Variants in CATSPERE observed in about 807,000 individuals in gnomAD.
CATSPERE encodes the protein cation channel sperm-associated auxiliary subunit epsilon.
CATSPERE carries 93 observed loss-of-function variants against 114.1 expected under a neutral mutation model. The ratio of observed to expected loss-of-function variants is 0.81; its 90% CI spans 0.69 to 0.97. The LOEUF (loss-of-function observed/expected upper bound fraction) is 0.97, where lower values mean the gene tolerates loss of function less well. Ranked by LOEUF, CATSPERE falls within the 50% of genes least tolerant of loss-of-function variation. The pLI is 0.00. For synonymous variants in CATSPERE, 341 were observed against 384.1 expected (o/e 0.89, Z 1.31); for missense variants, 1,058 against 1,131.6 (o/e 0.93, Z 0.93).
At chr1:244,612,563 A>G (rs947975548) in intron 19 of CATSPERE, among the ~76,000 whole-genome samples, 2 of 152,190 alleles carry the variant, frequency 1.3e-5, no homozygotes, top group African/African-American at 4.8e-5. Context: ...CATCCACACG[A>G]TACAGAATCC....
chr1:244,584,540 A>ATATTATATTATAT (rs548449574), intron 13 of CATSPERE, among the ~76,000 whole-genome samples: 66 of 118,904 alleles, frequency 5.6e-4, no homozygotes, highest in African/African-American at 1.9e-3. Flanking sequence ...TTACTATATT[A>ATATTATATTATAT]TATATTATAT....
intron 10 of CATSPERE, among the ~76,000 whole-genome samples, chr1:244,565,814 G>A (rs143388774): frequency 0.012 from 1,813 of 152,098 alleles, 44 homozygotes; most frequent in African/African-American, 0.04. Context: ...TTTTTGAAGG[G>A]TTTTTCGTGT....
intron 10 of CATSPERE, among the ~76,000 whole-genome samples, chr1:244,563,411 T>A (rs533469399): frequency 6.6e-6 from 1 of 152,324 alleles, no homozygotes; most frequent in South Asian, 2.1e-4. Flanking sequence ...TTTCTCCACG[T>A]CCTCTCCAGC....
chr1:244,498,477 GAA>G (rs1673464330), intron 6 of CATSPERE, among the ~76,000 whole-genome samples: 1 of 152,082 alleles, frequency 6.6e-6, no homozygotes, highest in African/African-American at 2.4e-5. Context: ...AGAAAAATAA[GAA>G]AGAAAATTAG....
chr1:244,510,404 T>A (rs1281387995), intron 7 of CATSPERE, among the ~76,000 whole-genome samples: 1 of 152,208 alleles, frequency 6.6e-6, no homozygotes, highest in Non-Finnish European at 1.5e-5. Flanking sequence ...CGTCCATGTA[T>A]TTTTATAGTT....
intron 2 of CATSPERE, among the ~76,000 whole-genome samples, chr1:244,468,911 C>T (rs1248322556): frequency 1.3e-5 from 2 of 152,120 alleles, no homozygotes; most frequent in Non-Finnish European, 2.9e-5. Context: ...CAATGAGACC[C>T]TGTTTCAGAG....
intron 8 of CATSPERE, among the ~76,000 whole-genome samples, chr1:244,544,925 C>T (rs1659482124): frequency 6.6e-6 from 1 of 152,148 alleles, no homozygotes; most frequent in African/African-American, 2.4e-5. Context: ...AACAGTTTAC[C>T]TTCCATGGGC....
intron 20 of CATSPERE, among the ~76,000 whole-genome samples, chr1:244,624,850 A>C (rs965261422): frequency 1.3e-5 from 2 of 152,078 alleles, no homozygotes; most frequent in African/African-American, 4.8e-5. Context: ...TGAGAAGCAA[A>C]GTGCTATCAT....
At chr1:244,569,377 C>G (rs966390614) in intron 10 of CATSPERE, among the ~76,000 whole-genome samples, 1 of 152,214 alleles carries the variant, frequency 6.6e-6, no homozygotes, top group Admixed American at 6.5e-5. Flanking sequence ...TCCTATTCTC[C>G]CATCTTGCCC....
chr1:244,475,770 C>T (rs112373869), intron 2 of CATSPERE, among the ~76,000 whole-genome samples: 2 of 149,128 alleles, frequency 1.3e-5, no homozygotes, highest in South Asian at 2.1e-4. Flanking sequence ...CTCCTGACCT[C>T]GTGATCTGCC....
At chr1:244,482,669 A>G (rs1389637409) in intron 5 of CATSPERE, among the ~76,000 whole-genome samples, 1 of 152,162 alleles carries the variant, frequency 6.6e-6, no homozygotes. Flanking sequence ...AAAGAATAAA[A>G]AGGATAGTAA....
intron 2 of CATSPERE, 96 bp from the exon 3 acceptor site, chr1:244,477,445 A>G (rs781173038): frequency 4.6e-5 from 32 of 689,184 alleles, no homozygotes; most frequent in Non-Finnish European, 7.4e-5. Context: ...TCTTTCTTTA[A>G]ATAATTAGGA....
At chr1:244,617,126 T>C (rs534953971) in intron 19 of CATSPERE, among the ~76,000 whole-genome samples, 1 of 152,136 alleles carries the variant, frequency 6.6e-6, no homozygotes, top group African/African-American at 2.4e-5. Context: ...GACATGGTAA[T>C]GGTAATGGGG....
At chr1:244,577,925 C>A (rs7515268) in intron 11 of CATSPERE, among the ~76,000 whole-genome samples, 28,234 of 152,096 alleles carry the variant, frequency 0.19, 3,803 homozygotes, top group East Asian at 0.4. Context: ...GATATATGAT[C>A]TATTGCTACC....
intron 2 of CATSPERE, among the ~76,000 whole-genome samples, chr1:244,472,231 G>A (rs1294907039): frequency 6.6e-6 from 1 of 152,194 alleles, no homozygotes; most frequent in Non-Finnish European, 1.5e-5. Flanking sequence ...AAAGTGCTAG[G>A]ATTACAGGCA....
At chr1:244,529,031 A>T (rs1358204745) in intron 8 of CATSPERE, among the ~76,000 whole-genome samples, 1 of 152,200 alleles carries the variant, frequency 6.6e-6, no homozygotes. Context: ...ATGGCTAAAT[A>T]GTACTCCATT....
At chr1:244,507,512 T>C (rs1675007996) in intron 7 of CATSPERE, among the ~76,000 whole-genome samples, 1 of 152,202 alleles carries the variant, frequency 6.6e-6, no homozygotes, top group African/African-American at 2.4e-5. Flanking sequence ...TGTCTATTTT[T>C]GTGTTTGTTG....
chr1:244,613,135 C>T (rs1432720928), intron 19 of CATSPERE, among the ~76,000 whole-genome samples: 2 of 152,158 alleles, frequency 1.3e-5, no homozygotes, highest in African/African-American at 4.8e-5. Flanking sequence ...GATATATGCA[C>T]AGCTTCCAAA....
upstream of CATSPERE, chr1:244,451,963 C>T (rs1337526818): frequency 1.3e-6 from 1 of 789,244 alleles, no homozygotes; most frequent in Non-Finnish European, 1.9e-6. The surrounding 1 kb of genome is among the most constrained non-coding windows in gnomAD (Gnocchi z 6.6). Flanking sequence ...CGCCACCCTC[C>T]AGCCAGTCCC....
Sources: gnomAD v4.1 joint callset for allele counts (sites outside exome capture counted in the v4.1 genomes callset) on GRCh38, gnomAD v4.1.1 for gene constraint, Gnocchi (gnomAD v3.1) non-coding constraint, MANE v1.5 for transcripts, NCBI Gene and HGNC (gene_info 2026-07-23, HGNC 2026-07-21) for gene names.